The following PARD3B variants were observed in gnomAD, a reference collection of about 807,000 sequenced individuals.
The protein encoded by PARD3B is partitioning defective 3 homolog B.
Under a neutral mutation model 130.2 loss-of-function variants are expected in PARD3B, and 103 were observed. The ratio of observed to expected loss-of-function variants is 0.79; its 90% confidence interval spans 0.67 to 0.93. PARD3B has a LOEUF of 0.93. Among genes scored for constraint, PARD3B ranks in the 40% least tolerant of loss-of-function variants. The pLI is 0.00. For missense variants in PARD3B, 1,609 were observed against 1,499.2 expected, an observed-to-expected ratio of 1.07 and a Z score of -1.21; for synonymous variants, 583 against 553.2, an observed-to-expected ratio of 1.05 and a Z score of -0.76.
intron 15 of PARD3B, among the ~76,000 whole-genome samples, chr2:205,208,482 G>C (rs1443172791): frequency 0.035 from 4,261 of 121,784 alleles, 135 homozygotes; most frequent in African/African-American, 0.05. Context: ...ATTGTCTCAG[G>C]CCAAAATCTC....
chr2:205,340,768 T>G (rs993946549), intron 18 of PARD3B, among the ~76,000 whole-genome samples: 2 of 151,950 alleles, frequency 1.3e-5, no homozygotes, highest in African/African-American at 4.8e-5. Context: ...TACTGAAAAG[T>G]TTCTGGACAG....
intron 1 of PARD3B, among the ~76,000 whole-genome samples, chr2:204,635,367 T>G (rs969431292): frequency 6.6e-6 from 1 of 152,180 alleles, no homozygotes; most frequent in Non-Finnish European, 1.5e-5. Flanking sequence ...GTCTAGGTCT[T>G]TTCAATGAAA....
chr2:205,523,261 TTGAGATGGAGTCTCGCTCTGTTGCCCAGG>T (rs1321555215), intron 21 of PARD3B, among the ~76,000 whole-genome samples: 128 of 148,672 alleles, frequency 8.6e-4, no homozygotes, highest in African/African-American at 2.9e-3. Context: ...ATATATATTT[TTGAGATGGAGTCTCGCTCTGTTGCCCAGG>T]ATGCAGTGCA....
At chr2:204,998,339 T>TATAC (rs1559341241) in intron 3 of PARD3B, among the ~76,000 whole-genome samples, 10 of 64,988 alleles carry the variant, frequency 1.5e-4, no homozygotes, top group Non-Finnish European at 2.3e-4. Context: ...TATATATATA[T>TATAC]ATATATATAT....
intron 4 of PARD3B, among the ~76,000 whole-genome samples, chr2:205,066,680 G>A (rs568410482): frequency 6.6e-6 from 1 of 152,196 alleles, no homozygotes; most frequent in South Asian, 2.1e-4. Flanking sequence ...TAACACATTT[G>A]GAAATCAGTG....
intron 2 of PARD3B, among the ~76,000 whole-genome samples, chr2:204,850,345 A>C (rs1034345075): frequency 1.3e-5 from 2 of 152,172 alleles, no homozygotes; most frequent in Non-Finnish European, 2.9e-5. Context: ...AATTGAAACC[A>C]CTGGGTTGCC....
In PARD3B at chr2:205,525,783, G is replaced by A. The variant is rs534514681; in HGVS notation, c.3180+25752G>A. Among the ~76,000 whole-genome samples, 66 of 152,182 alleles carry A rather than the reference G, an allele frequency of 4.3e-4. No individual in the cohort carries two copies. Among genetic ancestry groups the A allele is most frequent in the Non-Finnish European group, 7.8e-4 (53 of 68,010 alleles). ...CAGCTCAATGAGAATCTCGACAAAG[G>A]GCCTGACTCTCTCCCCTTCCAGCCC... On this transcript the variant is annotated intron_variant, in intron 21 of 22. Transcript: ENST00000406610. This position sits in a 1 kb window ranked among gnomAD's most constrained non-coding sequence, Gnocchi z 4.2.
At chr2:205,118,308 A>G (rs943561100) in intron 6 of PARD3B, among the ~76,000 whole-genome samples, 1 of 152,162 alleles carries the variant, frequency 6.6e-6, no homozygotes, top group African/African-American at 2.4e-5. Context: ...CCCCAAATGT[A>G]TAGTGAAATT....
chr2:204,732,295 A>G (rs1016029534), intron 2 of PARD3B, among the ~76,000 whole-genome samples: 1 of 152,126 alleles, frequency 6.6e-6, no homozygotes, highest in African/African-American at 2.4e-5. Flanking sequence ...CAGCAAGAAG[A>G]TTGGACCTGG....
chr2:205,347,428 C>T (rs2043834150), intron 18 of PARD3B, among the ~76,000 whole-genome samples: 2 of 152,174 alleles, frequency 1.3e-5, no homozygotes, highest in Admixed American at 1.3e-4. Flanking sequence ...GTTAAGCTAA[C>T]CTTTATATGA....
At chr2:205,056,208 GT>G (rs529400247) in intron 4 of PARD3B, among the ~76,000 whole-genome samples, 48 of 146,226 alleles carry the variant, frequency 3.3e-4, no homozygotes, top group Admixed American at 3.4e-4. Context: ...GATAGGGGAC[GT>G]TTTTTTTTTT....
intron 10 of PARD3B, among the ~76,000 whole-genome samples, chr2:205,149,098 T>G (rs899031235): frequency 6.6e-6 from 1 of 152,236 alleles, no homozygotes; most frequent in Admixed American, 6.5e-5. Flanking sequence ...ATGGCCTTAT[T>G]TGGAACACTC....
intron 1 of PARD3B, among the ~76,000 whole-genome samples, chr2:204,558,831 T>G (rs1367450923): frequency 1.3e-5 from 2 of 152,146 alleles, no homozygotes; most frequent in African/African-American, 4.8e-5. Flanking sequence ...ATGGTACCGG[T>G]ACCAAAACAG....
chr2:205,239,356 C>T lies in PARD3B; in HGVS notation c.2141-6422C>T, dbSNP rs377009686. Among the ~76,000 whole-genome samples the T allele has an allele frequency of 1.2e-4, 18 of 152,252 alleles. No individual in the cohort carries two copies. In the East Asian group the frequency reaches 1.4e-3, roughly 11 times the overall value. On this transcript the variant is annotated intron_variant, in intron 15 of 22. Coordinates refer to ENST00000406610, the MANE Select transcript of PARD3B (RefSeq NM_001302769.2). ...TTTATGAACCTTCATGTCTGTCTGA[C>T]CTTCCACTCTTCCTGAAGCATATCT...
chr2:204,962,917 G>A (rs914563480), intron 2 of PARD3B, among the ~76,000 whole-genome samples: 1 of 152,110 alleles, frequency 6.6e-6, no homozygotes, highest in Non-Finnish European at 1.5e-5. Context: ...TATGAGATTT[G>A]GGGAGCATCA....
rs1240048955 is a variant in PARD3B at position 204,887,672 on chromosome 2, C to T, written c.223-77480C>T. On this transcript the variant is annotated intron_variant, in intron 2 of 22. Coordinates refer to ENST00000406610, the MANE Select transcript of PARD3B (RefSeq NM_001302769.2). The surrounding 1 kb of genome is among the most constrained non-coding windows in gnomAD (Gnocchi z 4.2). ...CAGAGCACTATTCTATATGCAGCGCCATTTCATACCCTTTGGGTATTTTAG... is the reference window on the plus strand; with the variant it reads ...CAGAGCACTATTCTATATGCAGCGCTATTTCATACCCTTTGGGTATTTTAG... 6.6e-6 allele frequency among the ~76,000 whole-genome samples: 1 copy of T among 152,096 alleles called. No individual in the cohort carries two copies. The highest frequency in any genetic ancestry group is 1.5e-5 in the Non-Finnish European group (1 of 68,028).
At chr2:204,928,205 A>T (rs905202426) in intron 2 of PARD3B, among the ~76,000 whole-genome samples, 1 of 152,048 alleles carries the variant, frequency 6.6e-6, no homozygotes, top group Non-Finnish European at 1.5e-5. Flanking sequence ...ACTCTCCTTC[A>T]TAGGATCTTT....
chr2:205,124,801 G>C (rs1392248569), intron 9 of PARD3B, among the ~76,000 whole-genome samples: 2 of 152,160 alleles, frequency 1.3e-5, no homozygotes, highest in African/African-American at 4.8e-5. Flanking sequence ...GGGCTAAAAA[G>C]TTAAAAAGTC....
At chr2:205,466,277 CT>C (rs1321412395) in intron 20 of PARD3B, among the ~76,000 whole-genome samples, 13 of 152,212 alleles carry the variant, frequency 8.5e-5, no homozygotes, top group African/African-American at 2.7e-4. Flanking sequence ...AAAATTTCAG[CT>C]GTCATTTCCT....
Sources: gnomAD v4.1 joint callset for allele counts (sites outside exome capture counted in the v4.1 genomes callset) on GRCh38, gnomAD v4.1.1 for gene constraint, Gnocchi (gnomAD v3.1) non-coding constraint, MANE v1.5 for transcripts, NCBI Gene and HGNC (gene_info 2026-07-23, HGNC 2026-07-21) for gene names.